PTPRD: variants seen among roughly 807,000 people sequenced by gnomAD.
PTPRD encodes the protein receptor-type tyrosine-protein phosphatase delta.
Under a neutral mutation model 214.5 loss-of-function variants are expected in PTPRD, and 34 were observed. The observed-to-expected ratio is 0.16, with a 90% CI of 0.12 to 0.21. The LOEUF is 0.21. Ranked by LOEUF, PTPRD falls within the 10% of genes least tolerant of loss-of-function variation. The probability of loss-of-function intolerance (pLI) is 1.00; values close to 1 mark genes in which losing one functional copy is unlikely to be tolerated. For synonymous variants in PTPRD, 1,128 were observed against 845.7 expected (o/e 1.33, Z -5.79); for missense variants, 2,545 against 2,398.7 (o/e 1.06, Z -1.27).
At chr9:9,086,465 T>C (rs1591369723) in intron 10 of PTPRD, among the ~76,000 whole-genome samples, 1 of 152,196 alleles carries the variant, frequency 6.6e-6, no homozygotes, top group Non-Finnish European at 1.5e-5. Flanking sequence ...CATCACCCTT[T>C]ATATACTGAT....
chr9:10,078,365 AAT>A (rs2098170523), intron 3 of PTPRD, among the ~76,000 whole-genome samples: 2 of 140,678 alleles, frequency 1.4e-5, no homozygotes, highest in East Asian at 2.1e-4. Context: ...AAAAAAAAAA[AAT>A]TAGCTGGGTG....
At chr9:9,253,458 T>C (rs1758320197) in intron 9 of PTPRD, among the ~76,000 whole-genome samples, 1 of 152,084 alleles carries the variant, frequency 6.6e-6, no homozygotes, top group Non-Finnish European at 1.5e-5. Context: ...GGCATATTCA[T>C]TATGTTGTTG....
At chr9:9,850,833 T>C (rs1399316330) in intron 5 of PTPRD, among the ~76,000 whole-genome samples, 1 of 152,140 alleles carries the variant, frequency 6.6e-6, no homozygotes, top group Non-Finnish European at 1.5e-5. Context: ...CTCCTCCACC[T>C]ACCACCACCA....
intron 14 of PTPRD, among the ~76,000 whole-genome samples, chr9:8,626,893 T>A (rs2096060103): frequency 1.3e-5 from 2 of 151,710 alleles, no homozygotes; most frequent in African/African-American, 4.8e-5. Flanking sequence ...TTTGTTAAAA[T>A]AAGGCTCTTC....
intron 5 of PTPRD, among the ~76,000 whole-genome samples, chr9:9,912,080 A>G (rs1382867722): frequency 6.6e-6 from 1 of 152,190 alleles, no homozygotes; most frequent in Non-Finnish European, 1.5e-5. Flanking sequence ...TCTGCAATAT[A>G]TATTGTAAGT....
At chr9:9,396,588 G>T (rs2067916161) in intron 9 of PTPRD, among the ~76,000 whole-genome samples, 1 of 151,748 alleles carries the variant, frequency 6.6e-6, no homozygotes, top group African/African-American at 2.4e-5. Flanking sequence ...CTTCAAAATT[G>T]TTATCTTCCT....
chr9:8,784,967 G>T (rs1216313130), intron 11 of PTPRD, among the ~76,000 whole-genome samples: 1 of 151,934 alleles, frequency 6.6e-6, no homozygotes, highest in Non-Finnish European at 1.5e-5. Flanking sequence ...AATGATCAGG[G>T]ACTCCGAGAG....
At chr9:8,688,610 T>G (rs996850999) in intron 12 of PTPRD, among the ~76,000 whole-genome samples, 1 of 150,652 alleles carries the variant, frequency 6.6e-6, no homozygotes, top group Non-Finnish European at 1.5e-5. Context: ...GGTATCTGGA[T>G]AGCAATAAGT....
intron 35 of PTPRD, among the ~76,000 whole-genome samples, chr9:8,406,448 C>T (rs889564945): frequency 1.7e-4 from 26 of 152,190 alleles, no homozygotes; most frequent in African/African-American, 6.3e-4. Context: ...ACTCTTCATA[C>T]TGCTGCCAAA....
At chr9:10,610,553 G>T (rs1462710599) in intron 2 of PTPRD, among the ~76,000 whole-genome samples, 2 of 151,768 alleles carry the variant, frequency 1.3e-5, no homozygotes, top group Non-Finnish European at 2.9e-5. Flanking sequence ...GACATGTGAG[G>T]TCAGAAATGA....
At chr9:9,612,688 G>A (rs571426635) in intron 7 of PTPRD, among the ~76,000 whole-genome samples, 2 of 151,152 alleles carry the variant, frequency 1.3e-5, no homozygotes, top group African/African-American at 2.4e-5. Flanking sequence ...GAAAAAAAAG[G>A]AATATAAGAA....
intron 11 of PTPRD, among the ~76,000 whole-genome samples, chr9:8,910,094 A>C (rs1299450293): frequency 6.6e-6 from 1 of 151,982 alleles, no homozygotes; most frequent in East Asian, 1.9e-4. Flanking sequence ...GCTGGAGTGC[A>C]GTGGCTCAAT....
intron 7 of PTPRD, among the ~76,000 whole-genome samples, chr9:9,618,619 AG>A (rs771232063): frequency 2.0e-5 from 3 of 152,180 alleles, no homozygotes; most frequent in Non-Finnish European, 4.4e-5. Context: ...AGGAAACAGA[AG>A]GAAAAAAAGT....
chr9:8,421,372 C>CTCTTCTCTTCTCT (rs1320344995), intron 35 of PTPRD, among the ~76,000 whole-genome samples: 6 of 147,642 alleles, frequency 4.1e-5, no homozygotes, highest in African/African-American at 1.5e-4. Context: ...CTCTTCTCTT[C>CTCTTCTCTTCTCT]TCTCTCTCTC....
At chr9:8,875,534 A>C (rs2098379442) in intron 11 of PTPRD, among the ~76,000 whole-genome samples, 1 of 152,188 alleles carries the variant, frequency 6.6e-6, no homozygotes, top group Admixed American at 6.5e-5. Context: ...CTAAGAAATT[A>C]CAACTATTTA....
At chr9:8,532,125 G>C (rs1386111439) in intron 14 of PTPRD, among the ~76,000 whole-genome samples, 2 of 151,936 alleles carry the variant, frequency 1.3e-5, no homozygotes, top group African/African-American at 4.8e-5. Context: ...GAATCTCTTT[G>C]AATGCACTTT....
At chr9:9,470,974 T>G (rs1161534993) in intron 8 of PTPRD, among the ~76,000 whole-genome samples, 1 of 152,172 alleles carries the variant, frequency 6.6e-6, no homozygotes, top group African/African-American at 2.4e-5. Flanking sequence ...CACAAATGTT[T>G]TATAGACCAG....
chr9:9,737,786 C>T (rs2098326466), intron 6 of PTPRD, among the ~76,000 whole-genome samples: 1 of 152,116 alleles, frequency 6.6e-6, no homozygotes, highest in Non-Finnish European at 1.5e-5. Flanking sequence ...AATAACAATG[C>T]TATGAACATT....
intron 3 of PTPRD, among the ~76,000 whole-genome samples, chr9:10,058,794 G>A (rs922394136): frequency 7.2e-5 from 11 of 151,994 alleles, no homozygotes; most frequent in Non-Finnish European, 1.2e-4. Flanking sequence ...CGCTGGATAG[G>A]CACCATTGTT....
Sources: gnomAD v4.1 joint callset for allele counts (sites outside exome capture counted in the v4.1 genomes callset) on GRCh38, gnomAD v4.1.1 for gene constraint, MANE v1.5 for transcripts, NCBI Gene and HGNC (gene_info 2026-07-23, HGNC 2026-07-21) for gene names.